Variants in DLGAP1 observed in about 807,000 individuals in gnomAD.
DLGAP1 encodes the protein disks large-associated protein 1.
DLGAP1 carries 11 observed loss-of-function variants against 90.8 expected under a neutral mutation model. That is an observed-to-expected ratio of 0.12 (90% CI 0.08 to 0.20). DLGAP1 has a LOEUF of 0.20. DLGAP1 is among the 10% of genes least tolerant of loss of function. The pLI is 1.00. For missense variants in DLGAP1, 1,050 were observed against 1,333.8 expected, an observed-to-expected ratio of 0.79 and a Z score of 3.31; for synonymous variants, 558 against 540.7, an observed-to-expected ratio of 1.03 and a Z score of -0.44.
At chr18:4,386,432 T>A (rs1296524836) in intron 1 of DLGAP1, among the ~76,000 whole-genome samples, 1 of 152,200 alleles carries the variant, frequency 6.6e-6, no homozygotes, top group Non-Finnish European at 1.5e-5. Flanking sequence ...AAACATTCCA[T>A]CAGGAGATTA....
chr18:3,894,100 T>C (rs2071553432), intron 3 of DLGAP1, among the ~76,000 whole-genome samples: 1 of 152,208 alleles, frequency 6.6e-6, no homozygotes, highest in African/African-American at 2.4e-5. Flanking sequence ...TTGCTTGAGT[T>C]CCTTGTATAT....
rs1447515045 is a variant in DLGAP1, at chr18:4,378,571, A to T, written c.-267+76435T>A. 6.6e-6 allele frequency among the ~76,000 whole-genome samples: 1 copy of T among 152,126 alleles called. No homozygotes were observed. The highest frequency in any genetic ancestry group is 1.9e-4 in the East Asian group (1 of 5,184). ...AACTGAATTATTAAAACCAAAATCA[A>T]CAAATAAAATCAAGCTCTTAGAGTG... On this transcript the variant is annotated intron_variant, in intron 1 of 12. Coordinates refer to ENST00000315677, the MANE Select transcript of DLGAP1 (RefSeq NM_004746.4). The surrounding 1 kb of genome is among the most constrained non-coding windows in gnomAD (Gnocchi z 4.5).
chr18:3,839,854 C>T (rs1326918484), intron 4 of DLGAP1, among the ~76,000 whole-genome samples: 5 of 152,206 alleles, frequency 3.3e-5, no homozygotes, highest in African/African-American at 1.2e-4. Context: ...TCAAACCAGC[C>T]TTTATTCTGA....
chr18:4,240,538 G>A (rs1215857738), intron 1 of DLGAP1, among the ~76,000 whole-genome samples: 2 of 152,100 alleles, frequency 1.3e-5, no homozygotes, highest in Non-Finnish European at 2.9e-5. Flanking sequence ...TAGAACTTAT[G>A]TAAGACCAGA....
At position 3,560,447 on chromosome 18, in the gene DLGAP1, A is replaced by T. The variant is rs534783902; in HGVS notation, c.2057+7043T>A. 4.3e-4 allele frequency among the ~76,000 whole-genome samples: 53 copies of T among 122,876 alleles called. 2 individuals are homozygous for T. The highest frequency in any genetic ancestry group is 8.1e-4 in the Admixed American group (10 of 12,310). The allele number at this position is 122,876 out of a possible 152,430, so 80.6% of individuals were successfully genotyped here. On this transcript the variant is annotated intron_variant, in intron 9 of 12. Coordinates refer to ENST00000315677, the MANE Select transcript of DLGAP1 (RefSeq NM_004746.4). The stretch of plus-strand genomic sequence containing the variant: ...AAAAAAAAAAAAAAAAAAATTAGCC[A>T]GGTGTGGTGGCGTGGGCCTGTAATC...
chr18:3,742,327 G>A lies in DLGAP1; in HGVS notation c.1350+8C>T, dbSNP rs1294541128. 1.9e-6 allele frequency: 3 copies of A among 1,611,836 alleles called. No individual in the cohort carries two copies. Among genetic ancestry groups the A allele is most frequent in the African/African-American group, 1.3e-5 (1 of 74,896 alleles). On this transcript the variant is annotated splice_region_variant and intron_variant, in intron 6 of 12. Coordinates refer to ENST00000315677, the MANE Select transcript of DLGAP1 (RefSeq NM_004746.4). Reference sequence around the variant, plus strand: ...GCTCCTGACCACCGCTGCCCTGACGGCCCTCACCTGGCTGATGGTGCTCAT... The same window carrying A: ...GCTCCTGACCACCGCTGCCCTGACGACCCTCACCTGGCTGATGGTGCTCAT...
intron 5 of DLGAP1, among the ~76,000 whole-genome samples, chr18:3,797,741 T>C (rs2066073169): frequency 1.3e-5 from 2 of 152,166 alleles, no homozygotes; most frequent in South Asian, 4.1e-4. Flanking sequence ...GGACTCAGTG[T>C]ATCATAATGT....
chr18:4,150,029 A>G (rs2076648217), intron 2 of DLGAP1, among the ~76,000 whole-genome samples: 1 of 152,240 alleles, frequency 6.6e-6, no homozygotes, highest in African/African-American at 2.4e-5. Flanking sequence ...AAATTTGGGC[A>G]TCTGTACCCC....
At chr18:4,328,404 G>A (rs574227884) in intron 1 of DLGAP1, among the ~76,000 whole-genome samples, 1 of 152,080 alleles carries the variant, frequency 6.6e-6, no homozygotes, top group South Asian at 2.1e-4. Context: ...AATGGATAGT[G>A]TTCCATTGTA....
intron 1 of DLGAP1, among the ~76,000 whole-genome samples, chr18:4,192,227 A>C (rs966033599): frequency 1.3e-5 from 2 of 152,174 alleles, no homozygotes; most frequent in African/African-American, 4.8e-5. Context: ...TTAAATAAAA[A>C]ACACAAAACC....
At chr18:3,749,886 CT>C (rs2063429823) in intron 5 of DLGAP1, among the ~76,000 whole-genome samples, 1 of 152,182 alleles carries the variant, frequency 6.6e-6, no homozygotes, top group African/African-American at 2.4e-5. Context: ...TTTTTCTTAA[CT>C]GTCCAAATCC....
intron 4 of DLGAP1, among the ~76,000 whole-genome samples, chr18:3,862,633 T>A (rs11660051): frequency 6.6e-6 from 1 of 152,132 alleles, no homozygotes; most frequent in African/African-American, 2.4e-5. Flanking sequence ...CAGCAGGTCA[T>A]GAGTGACTAA....
intron 1 of DLGAP1, among the ~76,000 whole-genome samples, chr18:4,359,071 GAT>G (rs1306849744): frequency 5.3e-5 from 8 of 152,308 alleles, no homozygotes; most frequent in African/African-American, 1.7e-4. Context: ...GAAATACAGT[GAT>G]CTAATTTATG....
intron 3 of DLGAP1, among the ~76,000 whole-genome samples, chr18:3,963,784 C>G (rs933535277): frequency 9.2e-5 from 14 of 152,170 alleles, no homozygotes; most frequent in Non-Finnish European, 1.8e-4. Context: ...CTTCAGCTCA[C>G]GTCCAACACC....
At chr18:3,699,130 G>A (rs185483090) in intron 7 of DLGAP1, among the ~76,000 whole-genome samples, 13 of 152,172 alleles carry the variant, frequency 8.5e-5, no homozygotes, top group Admixed American at 7.9e-4. Context: ...CCCAACTTCT[G>A]AAGCCTACTT....
chr18:4,426,090 T>C (rs2083146299), intron 1 of DLGAP1, among the ~76,000 whole-genome samples: 1 of 152,120 alleles, frequency 6.6e-6, no homozygotes, highest in South Asian at 2.1e-4. Context: ...AAAAACACAG[T>C]GAAAGGCAAA....
rs548482495 is a variant in DLGAP1, at chr18:3,603,465, C to T, written c.1592-21217G>A. 9.2e-5 allele frequency: 14 copies of T among 152,246 alleles called. No homozygotes were observed. In the South Asian group the frequency reaches 2.5e-3, roughly 27 times the overall value. 9.4% of individuals were successfully genotyped at this position (152,246 alleles called of 1,614,324 possible). On this transcript the variant is annotated intron_variant, in intron 7 of 12. Transcript: ENST00000315677. ...GTGAGAAAAGCAGCCCGGCTAGACT[C>T]CCCTCACCCTGGGTTAACAGGATTG...
intron 5 of DLGAP1, among the ~76,000 whole-genome samples, chr18:3,761,191 T>C (rs2063946120): frequency 1.3e-5 from 2 of 152,030 alleles, no homozygotes; most frequent in South Asian, 4.1e-4. Context: ...TCTCCAAAAG[T>C]TTTTTCTTAT....
At chr18:4,236,596 T>G (rs1308432897) in intron 1 of DLGAP1, among the ~76,000 whole-genome samples, 2 of 152,190 alleles carry the variant, frequency 1.3e-5, no homozygotes, top group African/African-American at 2.4e-5. Context: ...TTAGACTCTT[T>G]AAGTTTTATA....
Sources: gnomAD v4.1 joint callset for allele counts (sites outside exome capture counted in the v4.1 genomes callset) on GRCh38, gnomAD v4.1.1 for gene constraint, Gnocchi (gnomAD v3.1) non-coding constraint, MANE v1.5 for transcripts, NCBI Gene and HGNC (gene_info 2026-07-23, HGNC 2026-07-21) for gene names.